The following SUMF1 variants were observed in gnomAD, a reference collection of about 807,000 sequenced individuals.
The protein encoded by SUMF1 is formylglycine-generating enzyme.
In SUMF1, 48 loss-of-function variants were observed where a neutral mutation model predicts 47.6. That is an observed-to-expected ratio of 1.01 (90% CI 0.80 to 1.28). The LOEUF (loss-of-function observed/expected upper bound fraction) is 1.28, where lower values mean the gene tolerates loss of function less well. SUMF1 is among the 50% of genes most tolerant of loss of function. The probability of loss-of-function intolerance (pLI) is 0.00; values close to 1 mark genes in which losing one functional copy is unlikely to be tolerated. For missense variants in SUMF1, 571 were observed against 485.4 expected (o/e 1.18, Z -1.66); for synonymous variants, 230 against 192.1 (o/e 1.20, Z -1.63).
chr3:4,380,641 A>G (rs1006151108), intron 7 of SUMF1, among the ~76,000 whole-genome samples: 1 of 152,206 alleles, frequency 6.6e-6, no homozygotes, highest in Non-Finnish European at 1.5e-5. Context: ...CTCCGCCTAC[A>G]ACCAGGCAGG....
At chr3:4,316,459 C>T (rs756214831) in intron 8 of SUMF1, 1 of 1,604,288 alleles carries the variant, frequency 6.2e-7, no homozygotes, top group South Asian at 1.1e-5. Context: ...ATCATCGAAG[C>T]TGATCCCCTT....
intron 8 of SUMF1, among the ~76,000 whole-genome samples, chr3:4,302,643 G>T (rs1056235185): frequency 6.6e-6 from 1 of 152,140 alleles, no homozygotes; most frequent in African/African-American, 2.4e-5. Context: ...CCTTGGCAGA[G>T]AGGAGGGGTC....
intron 8 of SUMF1, among the ~76,000 whole-genome samples, chr3:4,110,477 G>T (rs1693271102): frequency 6.6e-6 from 1 of 152,138 alleles, no homozygotes; most frequent in Non-Finnish European, 1.5e-5. Flanking sequence ...ATTTGACCCA[G>T]CCATCCCATT....
chr3:4,394,640 T>A (rs972840054), intron 7 of SUMF1, among the ~76,000 whole-genome samples: 1 of 152,226 alleles, frequency 6.6e-6, no homozygotes, highest in African/African-American at 2.4e-5. Context: ...CTCGTTAGGA[T>A]GTGCTACAGA....
At chr3:4,096,358 G>T (rs142731934) in intron 8 of SUMF1, among the ~76,000 whole-genome samples, 1 of 152,062 alleles carries the variant, frequency 6.6e-6, no homozygotes. Context: ...CTCTATACTT[G>T]CTCCTTATAA....
At chr3:4,443,719 C>T (rs1054231214) in intron 3 of SUMF1, among the ~76,000 whole-genome samples, 1 of 151,754 alleles carries the variant, frequency 6.6e-6, no homozygotes, top group East Asian at 1.9e-4. Context: ...GAGCCAAGAT[C>T]GTGCCACTGC....
chr3:4,338,379 C>T (rs1699198385), intron 8 of SUMF1, among the ~76,000 whole-genome samples: 1 of 152,172 alleles, frequency 6.6e-6, no homozygotes, highest in African/African-American at 2.4e-5. Flanking sequence ...CTTAAAATCT[C>T]TCAGCAGTTC....
intron 8 of SUMF1, among the ~76,000 whole-genome samples, chr3:4,279,439 C>A (rs902316905): frequency 6.6e-6 from 1 of 152,094 alleles, no homozygotes; most frequent in African/African-American, 2.4e-5. Context: ...AATCATACAA[C>A]AAAATAGTAT....
chr3:4,433,095 C>T (rs1286668273), intron 3 of SUMF1, among the ~76,000 whole-genome samples: 1 of 152,166 alleles, frequency 6.6e-6, no homozygotes, highest in East Asian at 1.9e-4. Flanking sequence ...ATAAGTTTCT[C>T]TTAAAGCTAG....
intron 8 of SUMF1, among the ~76,000 whole-genome samples, chr3:4,286,288 T>G (rs923971864): frequency 2.0e-5 from 3 of 152,080 alleles, no homozygotes; most frequent in Admixed American, 1.3e-4. Flanking sequence ...AGTTTCTTAT[T>G]GTTCCTTTTG....
chr3:4,452,480 A>C (rs1481593588), intron 2 of SUMF1, among the ~76,000 whole-genome samples: 1 of 152,272 alleles, frequency 6.6e-6, no homozygotes, highest in Non-Finnish European at 1.5e-5. Context: ...CTTACTGAGA[A>C]GAAAAGTGGT....
intron 8 of SUMF1, among the ~76,000 whole-genome samples, chr3:4,267,277 T>C (rs964288893): frequency 1.3e-5 from 2 of 152,112 alleles, no homozygotes; most frequent in African/African-American, 4.8e-5. Context: ...TTTCTATTGA[T>C]TGGAGTAGTT....
chr3:4,073,548 A>T (rs1453946339), intron 8 of SUMF1, among the ~76,000 whole-genome samples: 1 of 152,356 alleles, frequency 6.6e-6, no homozygotes, highest in Admixed American at 6.5e-5. Context: ...GGCAAATTGG[A>T]TAAAGAGTCA....
At chr3:4,297,708 C>T (rs1308794835) in intron 8 of SUMF1, among the ~76,000 whole-genome samples, 1 of 151,900 alleles carries the variant, frequency 6.6e-6, no homozygotes, top group Non-Finnish European at 1.5e-5. Flanking sequence ...TGTGCCTGGC[C>T]GTGATAGTTC....
chr3:4,359,031 C>T (rs977628856), downstream of SUMF1, among the ~76,000 whole-genome samples: 1 of 152,156 alleles, frequency 6.6e-6, no homozygotes, highest in African/African-American at 2.4e-5. Context: ...GAGTAATCTG[C>T]CTCTACCCCA....
chr3:4,085,450 G>C (rs1254610096), intron 8 of SUMF1, among the ~76,000 whole-genome samples: 1 of 151,996 alleles, frequency 6.6e-6, no homozygotes, highest in East Asian at 1.9e-4. Flanking sequence ...ACCCCATAGA[G>C]TGCTCAAATT....
At chr3:4,110,767 C>G (rs1002280582) in intron 8 of SUMF1, among the ~76,000 whole-genome samples, 22 of 145,932 alleles carry the variant, frequency 1.5e-4, no homozygotes, top group Non-Finnish European at 3.1e-4. Context: ...ACCGCATGTT[C>G]TCACTCATAG....
At chr3:4,437,930 C>CT (rs1702454364) in intron 3 of SUMF1, among the ~76,000 whole-genome samples, 1 of 151,746 alleles carries the variant, frequency 6.6e-6, no homozygotes, top group Non-Finnish European at 1.5e-5. Flanking sequence ...CAGGGCAAGA[C>CT]TGTCTCAAAA....
intron 8 of SUMF1, among the ~76,000 whole-genome samples, chr3:4,110,736 C>T (rs561779222): frequency 4.6e-5 from 7 of 151,068 alleles, no homozygotes; most frequent in East Asian, 2.0e-4. Context: ...AGCAATCTAT[C>T]GCAAGGACAA....
Sources: gnomAD v4.1 joint callset for allele counts (sites outside exome capture counted in the v4.1 genomes callset) on GRCh38, gnomAD v4.1.1 for gene constraint, MANE v1.5 for transcripts, NCBI Gene and HGNC (gene_info 2026-07-23, HGNC 2026-07-21) for gene names.